SYT1: variants seen among roughly 807,000 people sequenced by gnomAD.
SYT1 encodes synaptotagmin 1.
SYT1 carries 8 observed loss-of-function variants against 44.8 expected under a neutral mutation model. The observed-to-expected ratio is 0.18, with a 90% CI of 0.10 to 0.32. SYT1 has a LOEUF of 0.32. Ranked by LOEUF, SYT1 falls within the 10% of genes least tolerant of loss-of-function variation. The pLI, the probability that SYT1 is intolerant of heterozygous loss-of-function variation, is 1.00. For synonymous variants in SYT1, 154 were observed against 188.8 expected, an observed-to-expected ratio of 0.82 and a Z score of 1.51; for missense variants, 286 against 509.3, an observed-to-expected ratio of 0.56 and a Z score of 4.22.
intron 3 of SYT1, among the ~76,000 whole-genome samples, chr12:79,148,890 A>C (rs111284570): frequency 2.7e-4 from 41 of 152,234 alleles, no homozygotes; most frequent in African/African-American, 9.9e-4. Flanking sequence ...TTTCATGAGG[A>C]TTTTTGACCT....
At chr12:79,050,844 A>G (rs1253195722) in intron 3 of SYT1, among the ~76,000 whole-genome samples, 2 of 152,052 alleles carry the variant, frequency 1.3e-5, no homozygotes, top group Non-Finnish European at 2.9e-5. Context: ...ATATTTCCCT[A>G]TTAGAAGTAA....
At chr12:79,328,783 T>C (rs919685047) in intron 8 of SYT1, among the ~76,000 whole-genome samples, 1 of 151,514 alleles carries the variant, frequency 6.6e-6, no homozygotes, top group Non-Finnish European at 1.5e-5. Flanking sequence ...GAGGCAGAGC[T>C]TGCAGTAAGC....
chr12:78,904,518 A>G (rs1875850234), intron 1 of SYT1, among the ~76,000 whole-genome samples: 1 of 152,150 alleles, frequency 6.6e-6, no homozygotes, highest in Non-Finnish European at 1.5e-5. Flanking sequence ...CTGCCCAAGG[A>G]TGAAACTCAT....
At chr12:79,135,885 T>C (rs1020797969) in intron 3 of SYT1, among the ~76,000 whole-genome samples, 2 of 152,114 alleles carry the variant, frequency 1.3e-5, no homozygotes, top group African/African-American at 4.8e-5. Context: ...CTTGCAAGAG[T>C]AATTAAAATA....
intron 3 of SYT1, among the ~76,000 whole-genome samples, chr12:79,137,400 CT>C (rs1869269387): frequency 1.3e-5 from 2 of 152,026 alleles, no homozygotes; most frequent in South Asian, 4.2e-4. Flanking sequence ...CCGGCCAGAA[CT>C]TTTTTATACT....
chr12:79,070,890 A>G (rs1876227782), intron 3 of SYT1, among the ~76,000 whole-genome samples: 2 of 152,158 alleles, frequency 1.3e-5, no homozygotes, highest in Non-Finnish European at 2.9e-5. Flanking sequence ...TGAAAGGAAA[A>G]AAAAGAAAGA....
At chr12:79,390,478 G>A (rs1424983203) in intron 9 of SYT1, among the ~76,000 whole-genome samples, 1 of 151,872 alleles carries the variant, frequency 6.6e-6, no homozygotes, top group African/African-American at 2.4e-5. Context: ...GATAAGAAAA[G>A]CAGACACTCC....
chr12:79,136,291 A>C (rs559480608), intron 3 of SYT1, among the ~76,000 whole-genome samples: 22 of 152,318 alleles, frequency 1.4e-4, no homozygotes, highest in African/African-American at 5.3e-4. Context: ...TATGAGGTTG[A>C]TAATTTAGTT....
chr12:79,332,448 T>A (rs1592973925), intron 8 of SYT1, among the ~76,000 whole-genome samples: 2 of 148,860 alleles, frequency 1.3e-5, no homozygotes, highest in Non-Finnish European at 2.9e-5. Flanking sequence ...CCAAATATAC[T>A]TAGAGATGAT....
At chr12:79,141,892 G>A (rs1390560887) in intron 3 of SYT1, among the ~76,000 whole-genome samples, 1 of 152,214 alleles carries the variant, frequency 6.6e-6, no homozygotes, top group Non-Finnish European at 1.5e-5. Context: ...AACAGTGTAT[G>A]TCATTGGCTT....
At chr12:79,121,258 C>T (rs1223248518) in intron 3 of SYT1, among the ~76,000 whole-genome samples, 1 of 152,022 alleles carries the variant, frequency 6.6e-6, no homozygotes. Flanking sequence ...GAGTCTTACT[C>T]CCAAGAGACT....
chr12:79,097,458 C>A (rs923310713), intron 3 of SYT1, among the ~76,000 whole-genome samples: 18 of 151,980 alleles, frequency 1.2e-4, no homozygotes, highest in African/African-American at 2.4e-5. Flanking sequence ...TCATTGATAT[C>A]ATCTATCCAC....
chr12:79,249,918 G>A (rs972528140), intron 4 of SYT1, among the ~76,000 whole-genome samples: 2 of 151,984 alleles, frequency 1.3e-5, no homozygotes, highest in Non-Finnish European at 2.9e-5. Flanking sequence ...AATTAAGAAA[G>A]CTAGAACTCC....
At chr12:79,388,106 CAGAA>C (rs1199217882) in intron 9 of SYT1, among the ~76,000 whole-genome samples, 7 of 152,174 alleles carry the variant, frequency 4.6e-5, no homozygotes, top group African/African-American at 1.7e-4. Context: ...TCAATTAAAA[CAGAA>C]GGGCCTGTAC....
intron 1 of SYT1, among the ~76,000 whole-genome samples, chr12:78,907,614 C>G (rs1876067929): frequency 1.3e-5 from 2 of 151,962 alleles, no homozygotes; most frequent in Non-Finnish European, 2.9e-5. Flanking sequence ...GCATTCAACA[C>G]TAAATTCTTC....
intron 9 of SYT1, among the ~76,000 whole-genome samples, chr12:79,425,307 T>C (rs1271004547): frequency 1.3e-5 from 2 of 152,150 alleles, no homozygotes; most frequent in African/African-American, 4.8e-5. Flanking sequence ...TGACCCCTCA[T>C]ATAACCTCAA....
intron 1 of SYT1, among the ~76,000 whole-genome samples, chr12:78,896,778 A>C (rs1875382182): frequency 6.6e-6 from 1 of 151,870 alleles, no homozygotes; most frequent in African/African-American, 2.4e-5. Flanking sequence ...AAAAGAAAAT[A>C]TCTGAATTAT....
At chr12:79,399,689 G>A (rs1885004336) in intron 9 of SYT1, among the ~76,000 whole-genome samples, 1 of 152,140 alleles carries the variant, frequency 6.6e-6, no homozygotes, top group Non-Finnish European at 1.5e-5. Flanking sequence ...GAGTAAAGAA[G>A]TAGCTCTGAA....
intron 3 of SYT1, among the ~76,000 whole-genome samples, chr12:79,097,433 C>A (rs1479326698): frequency 6.6e-6 from 1 of 151,926 alleles, no homozygotes; most frequent in African/African-American, 2.4e-5. Flanking sequence ...GCCAGAATGA[C>A]CTGTTAGCCA....
Sources: allele counts gnomAD v4.1 joint callset (sites outside exome capture counted in the v4.1 genomes callset), GRCh38; gene constraint gnomAD v4.1.1; transcripts MANE v1.5; gene names NCBI Gene and HGNC (gene_info 2026-07-23, HGNC 2026-07-21).